Variants in CNTNAP2 observed in about 807,000 individuals in gnomAD.
The protein encoded by CNTNAP2 is contactin associated protein 2.
A neutral mutation model predicts 155.2 loss-of-function variants in CNTNAP2; 98 were observed. That is an observed-to-expected ratio of 0.63 (90% CI 0.54 to 0.75). The LOEUF (loss-of-function observed/expected upper bound fraction) is 0.75, where lower values mean the gene tolerates loss of function less well. Ranked by LOEUF, CNTNAP2 falls within the 30% of genes least tolerant of loss-of-function variation. The probability of loss-of-function intolerance (pLI) is 0.00; values close to 1 mark genes in which losing one functional copy is unlikely to be tolerated. For missense variants in CNTNAP2, 1,727 were observed against 1,688.1 expected, an observed-to-expected ratio of 1.02 and a Z score of -0.40; for synonymous variants, 651 against 631.2, an observed-to-expected ratio of 1.03 and a Z score of -0.47.
At chr7:146,729,983 G>T (rs1474521566) in intron 1 of CNTNAP2, among the ~76,000 whole-genome samples, 3 of 152,110 alleles carry the variant, frequency 2.0e-5, no homozygotes, top group African/African-American at 7.2e-5. Context: ...ATCATCCCCA[G>T]TCACAAAAGA....
chr7:146,487,708 CCTCAAGTACAGATACTGTA>C (rs1465148642), intron 1 of CNTNAP2, among the ~76,000 whole-genome samples: 4 of 152,192 alleles, frequency 2.6e-5, no homozygotes, highest in Non-Finnish European at 5.9e-5. Flanking sequence ...TACGCAGCAT[CCTCAAGTACAGATACTGTA>C]CTAACACAGG....
At chr7:146,347,935 T>C (rs1794842988) in intron 1 of CNTNAP2, among the ~76,000 whole-genome samples, 1 of 152,142 alleles carries the variant, frequency 6.6e-6, no homozygotes, top group Non-Finnish European at 1.5e-5. Flanking sequence ...ACTTCGGAAA[T>C]TCTAAGAAGC....
chr7:147,370,606 CT>C (rs1796325098), intron 9 of CNTNAP2, among the ~76,000 whole-genome samples: 1 of 152,144 alleles, frequency 6.6e-6, no homozygotes, highest in African/African-American at 2.4e-5. Context: ...CAGCACACCA[CT>C]GAATCTTTCC....
intron 19 of CNTNAP2, among the ~76,000 whole-genome samples, chr7:148,221,509 A>G (rs1795747217): frequency 6.6e-6 from 1 of 152,166 alleles, no homozygotes; most frequent in African/African-American, 2.4e-5. Flanking sequence ...CTGTTACAAG[A>G]CTATCCTCAA....
At chr7:147,257,222 G>A (rs1804352094) in intron 8 of CNTNAP2, among the ~76,000 whole-genome samples, 1 of 152,200 alleles carries the variant, frequency 6.6e-6, no homozygotes, top group Non-Finnish European at 1.5e-5. Flanking sequence ...ATGCCCATCA[G>A]GCAGTCTCTT....
At chr7:146,224,523 G>A (rs1458087971) in intron 1 of CNTNAP2, among the ~76,000 whole-genome samples, 8 of 151,716 alleles carry the variant, frequency 5.3e-5, no homozygotes, top group South Asian at 2.1e-4. Context: ...CGAGGCGGGC[G>A]GATCATGAGG....
chr7:146,459,521 C>G (rs1461298640), intron 1 of CNTNAP2, among the ~76,000 whole-genome samples: 1 of 152,152 alleles, frequency 6.6e-6, no homozygotes, highest in Non-Finnish European at 1.5e-5. Flanking sequence ...ACTACCTTCT[C>G]CTTGCAAATT....
chr7:146,822,107 T>A (rs913030732), intron 2 of CNTNAP2, among the ~76,000 whole-genome samples: 1 of 152,022 alleles, frequency 6.6e-6, no homozygotes, highest in Non-Finnish European at 1.5e-5. Flanking sequence ...ATTAAGAAAA[T>A]GTGGCACATA....
At chr7:146,859,184 A>T (rs536848876) in intron 3 of CNTNAP2, among the ~76,000 whole-genome samples, 1 of 152,366 alleles carries the variant, frequency 6.6e-6, no homozygotes, top group Admixed American at 6.5e-5. Flanking sequence ...TCCTCAACAG[A>T]GAACAAGTCA....
At chr7:148,128,797 T>C (rs1391159879) in intron 16 of CNTNAP2, among the ~76,000 whole-genome samples, 2 of 151,990 alleles carry the variant, frequency 1.3e-5, no homozygotes, top group Non-Finnish European at 2.9e-5. Flanking sequence ...CCAGACAGAG[T>C]GACATCTCTC....
intron 21 of CNTNAP2, among the ~76,000 whole-genome samples, chr7:148,324,527 G>A (rs919931568): frequency 2.0e-5 from 3 of 152,308 alleles, no homozygotes; most frequent in Middle Eastern, 3.4e-3. Flanking sequence ...GTCGGGCGCA[G>A]CGGCTCATGC....
At chr7:148,364,830 T>G (rs947884973) in intron 21 of CNTNAP2, among the ~76,000 whole-genome samples, 9 of 152,156 alleles carry the variant, frequency 5.9e-5, no homozygotes, top group East Asian at 1.9e-4. Flanking sequence ...CTTCCACACT[T>G]TGGAAGCTTT....
At chr7:147,260,114 G>A (rs1187396100) in intron 8 of CNTNAP2, among the ~76,000 whole-genome samples, 1 of 152,152 alleles carries the variant, frequency 6.6e-6, no homozygotes, top group Non-Finnish European at 1.5e-5. Flanking sequence ...CAAGGACGAA[G>A]GCAAACTAAA....
At chr7:146,411,028 T>C (rs1795857498) in intron 1 of CNTNAP2, among the ~76,000 whole-genome samples, 1 of 152,134 alleles carries the variant, frequency 6.6e-6, no homozygotes, top group Admixed American at 6.6e-5. Flanking sequence ...ACACTTAGGG[T>C]GATTCTATAT....
rs34145640 is a variant in CNTNAP2, at chr7:147,401,175, C to G, written c.1670+5395C>G. On this transcript the variant is annotated intron_variant, in intron 10 of 23. Coordinates refer to ENST00000361727, the MANE Select transcript of CNTNAP2 (RefSeq NM_014141.6). ...AGAATTAGAATCTCCTCTGCTCTTTCCTGTCTAACTCCATTGAAAATATAT... is the reference window on the plus strand; with the variant it reads ...AGAATTAGAATCTCCTCTGCTCTTTGCTGTCTAACTCCATTGAAAATATAT... Among the ~76,000 whole-genome samples the G allele has an allele frequency of 6.7e-3, 1,018 of 152,218 alleles. 11 individuals carry two copies. Among genetic ancestry groups the G allele is most frequent in the African/African-American group, 0.023 (956 of 41,546 alleles).
At chr7:146,223,282 A>T (rs1261231680) in intron 1 of CNTNAP2, among the ~76,000 whole-genome samples, 2 of 152,224 alleles carry the variant, frequency 1.3e-5, no homozygotes, top group African/African-American at 2.4e-5. Flanking sequence ...GAACTGAAGC[A>T]TGCTAATAAC....
At chr7:147,251,900 G>A (rs191130327) in intron 8 of CNTNAP2, among the ~76,000 whole-genome samples, 1 of 152,230 alleles carries the variant, frequency 6.6e-6, no homozygotes, top group African/African-American at 2.4e-5. Flanking sequence ...AAGAAAGTTG[G>A]ACAAGTTTGT....
chr7:146,210,025 C>A (rs2116881557), intron 1 of CNTNAP2, among the ~76,000 whole-genome samples: 1 of 152,206 alleles, frequency 6.6e-6, no homozygotes, highest in South Asian at 2.1e-4. Flanking sequence ...ATATACCATT[C>A]CCACCTCCTC....
intron 8 of CNTNAP2, among the ~76,000 whole-genome samples, chr7:147,148,112 C>A (rs1052277715): frequency 2.6e-5 from 4 of 151,792 alleles, no homozygotes; most frequent in Admixed American, 2.6e-4. Context: ...TGGTGGGGGC[C>A]GGGCGCGGTG....
Sources: gnomAD v4.1 joint callset for allele counts (sites outside exome capture counted in the v4.1 genomes callset) on GRCh38, gnomAD v4.1.1 for gene constraint, MANE v1.5 for transcripts, NCBI Gene and HGNC (gene_info 2026-07-23, HGNC 2026-07-21) for gene names.